The following AXDND1 variants were observed in gnomAD, a reference collection of about 807,000 sequenced individuals.
AXDND1 encodes axonemal dynein light chain domain-containing protein 1.
A neutral mutation model predicts 137.5 loss-of-function variants in AXDND1; 110 were observed. The observed-to-expected ratio is 0.80, with a 90% CI of 0.69 to 0.94. The LOEUF (loss-of-function observed/expected upper bound fraction) is 0.94. AXDND1 is among the 40% of genes least tolerant of loss of function. The pLI is 0.00. For missense variants in AXDND1, 1,191 were observed against 1,169.8 expected, an observed-to-expected ratio of 1.02 and a Z score of -0.26; for synonymous variants, 414 against 399.7, an observed-to-expected ratio of 1.04 and a Z score of -0.43.
At chr1:179,377,129 G>A (rs999867299) in intron 4 of AXDND1, among the ~76,000 whole-genome samples, 3 of 151,942 alleles carry the variant, frequency 2.0e-5, no homozygotes, top group Non-Finnish European at 4.4e-5. Flanking sequence ...ATGGGGTTTC[G>A]CCATATTGGT....
chr1:179,501,960 T>C (rs1668044237), intron 20 of AXDND1, among the ~76,000 whole-genome samples: 1 of 152,106 alleles, frequency 6.6e-6, no homozygotes, highest in African/African-American at 2.4e-5. Flanking sequence ...ATAATTTTGA[T>C]TACCTTAAAT....
At position 179,527,175 on chromosome 1, in the gene AXDND1, C is replaced by T. The variant is rs541047925; in HGVS notation, c.2611-1152C>T. On this transcript the variant is annotated intron_variant, in intron 22 of 25. Transcript: ENST00000367618. ...TATGCTGAACAAGGGGTGGATTATT[C>T]ATGCCTCCCCTTTTTAGACCATATA... Among the ~76,000 whole-genome samples, 6 of 152,288 alleles carry T rather than the reference C, an allele frequency of 3.9e-5. No homozygotes were observed. In the South Asian group the frequency reaches 1.0e-3, roughly 26 times the overall value.
At chr1:179,481,757 G>A (rs1665420365) in intron 17 of AXDND1, among the ~76,000 whole-genome samples, 1 of 152,140 alleles carries the variant, frequency 6.6e-6, no homozygotes, top group African/African-American at 2.4e-5. Context: ...ATTTTTTCAT[G>A]TGTCTGTTGG....
At chr1:179,508,648 A>T (rs1271060269) in intron 20 of AXDND1, among the ~76,000 whole-genome samples, 1 of 152,208 alleles carries the variant, frequency 6.6e-6, no homozygotes, top group Non-Finnish European at 1.5e-5. Context: ...CAATAGATAA[A>T]AGGTGAGCAC....
intron 12 of AXDND1, among the ~76,000 whole-genome samples, chr1:179,416,539 C>T (rs925717354): frequency 6.6e-6 from 1 of 152,146 alleles, no homozygotes; most frequent in Admixed American, 6.5e-5. Flanking sequence ...CCACCAACAG[C>T]GTACAAGTGG....
intron 8 of AXDND1, 34 bp from the exon 9 acceptor site, chr1:179,385,204 A>G (rs202024026): frequency 2.9e-5 from 46 of 1,585,722 alleles, no homozygotes; most frequent in Middle Eastern, 1.7e-4. Context: ...TAAGACTGTA[A>G]TAAGTACTGA....
intron 9 of AXDND1, among the ~76,000 whole-genome samples, chr1:179,393,569 A>G (rs1650533613): frequency 6.6e-6 from 1 of 151,686 alleles, no homozygotes; most frequent in African/African-American, 2.4e-5. Context: ...CAGTATGGTC[A>G]TTTTCACAAT....
At chr1:179,455,297 A>AGT (rs1661186032) in intron 16 of AXDND1, 3 of 85,890 alleles carry the variant, frequency 3.5e-5, no homozygotes, top group African/African-American at 1.4e-4. Flanking sequence ...AAAAAAAGTA[A>AGT]AAAAAAAAAA....
In AXDND1 at chr1:179,476,336, G is replaced by T. The variant is rs570733814; in HGVS notation, c.1998-6792G>T. Among the ~76,000 whole-genome samples the T allele has an allele frequency of 3.9e-5, 6 of 152,170 alleles. No individual in the cohort carries two copies. In the South Asian group the frequency reaches 8.3e-4, roughly 21 times the overall value. ...CATATATTACATTTTTATGTTGTAG[G>T]TCCAACAATATGTCCTATGTTATTT... On this transcript the variant is annotated intron_variant, in intron 17 of 25. Transcript: ENST00000367618.
At chr1:179,393,717 CTTTTCTTTTTCT>C (rs1650562710) in intron 9 of AXDND1, among the ~76,000 whole-genome samples, 174 bp from the exon 10 acceptor site, 1 of 150,754 alleles carries the variant, frequency 6.6e-6, no homozygotes, top group South Asian at 2.1e-4. Context: ...TAAGTATTTT[CTTTTCTTTTTCT>C]TTTTCTTTTT....
intron 11 of AXDND1, among the ~76,000 whole-genome samples, chr1:179,406,799 T>C: frequency 6.6e-6 from 1 of 152,312 alleles, no homozygotes; most frequent in South Asian, 2.1e-4. Context: ...TGCATTTTTA[T>C]ATCCATTCAG....
At chr1:179,447,553 A>G in intron 16 of AXDND1, 4 of 824,014 alleles carry the variant, frequency 4.9e-6, no homozygotes, top group Non-Finnish European at 5.5e-6. Flanking sequence ...CTATGTATAA[A>G]ATACATGTTT....
intron 16 of AXDND1, chr1:179,455,593 C>CAAAAAAAAAAA (rs57868830): frequency 1.2e-5 from 1 of 83,886 alleles, no homozygotes; most frequent in African/African-American, 4.3e-5. Context: ...GACTCCGTCT[C>CAAAAAAAAAAA]AAAAAAAAAA....
intron 17 of AXDND1, among the ~76,000 whole-genome samples, chr1:179,477,428 G>A (rs1664774054): frequency 6.6e-6 from 1 of 152,094 alleles, no homozygotes; most frequent in African/African-American, 2.4e-5. Flanking sequence ...AAAAATCATG[G>A]TGGAAGGTGA....
intron 16 of AXDND1, among the ~76,000 whole-genome samples, chr1:179,459,456 G>T (rs1029949480): frequency 3.9e-5 from 6 of 152,204 alleles, no homozygotes; most frequent in Non-Finnish European, 8.8e-5. Flanking sequence ...AATTGATTTT[G>T]TGATTACTTG....
intron 11 of AXDND1, among the ~76,000 whole-genome samples, chr1:179,402,939 C>T (rs1164242869): frequency 6.6e-6 from 1 of 152,192 alleles, no homozygotes; most frequent in Non-Finnish European, 1.5e-5. Flanking sequence ...CAGCATTTGT[C>T]ACAATGGATC....
intron 4 of AXDND1, among the ~76,000 whole-genome samples, chr1:179,372,484 A>G (rs1668131903): frequency 6.6e-6 from 1 of 152,126 alleles, no homozygotes; most frequent in Non-Finnish European, 1.5e-5. Context: ...AACTCAGTTA[A>G]TAATCTGGGG....
chr1:179,422,022 A>T (rs1266873475), intron 12 of AXDND1, among the ~76,000 whole-genome samples: 1 of 148,626 alleles, frequency 6.7e-6, no homozygotes, highest in Non-Finnish European at 1.5e-5. Context: ...CCTGGGCAAC[A>T]AGAACGAAAC....
chr1:179,414,439 T>TTTATTTATTTA (rs1558143305), intron 12 of AXDND1, among the ~76,000 whole-genome samples: 2 of 70,024 alleles, frequency 2.9e-5, no homozygotes, highest in African/African-American at 4.6e-5. Flanking sequence ...TTATTTATTT[T>TTTATTTATTTA]TTTGAGATGG....
Sources: gnomAD v4.1 joint callset for allele counts (sites outside exome capture counted in the v4.1 genomes callset) on GRCh38, gnomAD v4.1.1 for gene constraint, MANE v1.5 for transcripts, NCBI Gene and HGNC (gene_info 2026-07-23, HGNC 2026-07-21) for gene names.